Variants in ARHGAP18 observed in about 807,000 individuals in gnomAD.
The protein encoded by ARHGAP18 is rho GTPase-activating protein 18.
ARHGAP18 carries 67 observed loss-of-function variants against 86.2 expected under a neutral mutation model. The observed-to-expected ratio is 0.78, with a 90% CI of 0.64 to 0.95. The LOEUF is 0.95. Ranked by LOEUF, ARHGAP18 falls within the 40% of genes least tolerant of loss-of-function variation. ARHGAP18 has a pLI of 0.00. For synonymous variants in ARHGAP18, 283 were observed against 280.4 expected, an observed-to-expected ratio of 1.01 and a Z score of -0.09; for missense variants, 691 against 780.4, an observed-to-expected ratio of 0.89 and a Z score of 1.37.
At chr6:129,637,611 T>C (rs1773360841) in intron 3 of ARHGAP18, among the ~76,000 whole-genome samples, 1 of 152,238 alleles carries the variant, frequency 6.6e-6, no homozygotes, top group Admixed American at 6.5e-5. Context: ...GACTGTAACC[T>C]ACTTGTGTCA....
chr6:129,699,548 G>A (rs1299562796), intron 1 of ARHGAP18, among the ~76,000 whole-genome samples: 2 of 152,128 alleles, frequency 1.3e-5, no homozygotes, highest in Non-Finnish European at 2.9e-5. Flanking sequence ...CTACAGCAAT[G>A]GTGCTACAAA....
intron 5 of ARHGAP18, among the ~76,000 whole-genome samples, chr6:129,621,760 A>C (rs1375200633): frequency 6.6e-6 from 1 of 152,184 alleles, no homozygotes; most frequent in Non-Finnish European, 1.5e-5. Flanking sequence ...TAAGAAAAAA[A>C]TGATAATAAT....
intron 4 of ARHGAP18, among the ~76,000 whole-genome samples, chr6:129,630,582 T>C (rs754237300): frequency 6.6e-6 from 1 of 152,134 alleles, no homozygotes; most frequent in South Asian, 2.1e-4. Flanking sequence ...ATATTAAGAG[T>C]CTGCAGTTCA....
intron 1 of ARHGAP18, among the ~76,000 whole-genome samples, chr6:129,702,984 C>T (rs939319794): frequency 3.5e-5 from 5 of 144,362 alleles, no homozygotes; most frequent in Admixed American, 1.4e-4. Context: ...GGTGACAGAG[C>T]GAGACTCCAT....
intron 3 of ARHGAP18, among the ~76,000 whole-genome samples, chr6:129,634,567 G>A (rs773401581): frequency 3.9e-5 from 6 of 152,034 alleles, no homozygotes; most frequent in Non-Finnish European, 8.8e-5. Context: ...CAGTCACAAA[G>A]AGCCACATAT....
chr6:129,646,088 C>T (rs6929560), intron 1 of ARHGAP18, among the ~76,000 whole-genome samples: 4,779 of 152,154 alleles, frequency 0.031, 250 homozygotes, highest in African/African-American at 0.11. Context: ...ATTGATTATA[C>T]TGAGGTCAGC....
intron 12 of ARHGAP18, among the ~76,000 whole-genome samples, chr6:129,584,955 C>T (rs531717599): frequency 6.6e-6 from 1 of 151,494 alleles, no homozygotes; most frequent in South Asian, 2.1e-4. Flanking sequence ...ACTAGGTTTA[C>T]TTACCCAGTA....
chr6:129,618,738 C>A lies in ARHGAP18; in HGVS notation c.901G>T (p.Val301Leu). The A allele has an allele frequency of 6.2e-7, 1 of 1,613,568 alleles. No homozygotes were observed. The highest frequency in any genetic ancestry group is 8.5e-7 in the Non-Finnish European group (1 of 1,179,800). The change falls in exon 6 of 15, where the codon GTA becomes TTA. Residue 301 changes from valine (V) to leucine (L), a missense_variant. Val to Leu is a conservative substitution (Grantham distance 32). Coordinates refer to ENST00000368149, the MANE Select transcript of ARHGAP18 (RefSeq NM_033515.3). ...ALIELTALYD[V>L]LGIELKQQKA... ...TGTTGTTTCAGCTCAATACCCAATA[C>A]ATCATAGAGGGCAGTCAGCTCAATT...
intron 12 of ARHGAP18, among the ~76,000 whole-genome samples, chr6:129,598,217 A>T (rs1463773217): frequency 6.6e-6 from 1 of 152,226 alleles, no homozygotes; most frequent in Non-Finnish European, 1.5e-5. Context: ...TTCTAAAAAA[A>T]TAAGCATATT....
At chr6:129,631,311 C>T (rs558708356) in intron 4 of ARHGAP18, among the ~76,000 whole-genome samples, 3 of 152,112 alleles carry the variant, frequency 2.0e-5, no homozygotes, top group East Asian at 1.9e-4. Flanking sequence ...CCCACACCAA[C>T]GGACTATGCC....
intron 6 of ARHGAP18, among the ~76,000 whole-genome samples, chr6:129,616,591 G>A (rs991758971): frequency 5.9e-5 from 9 of 152,200 alleles, no homozygotes; most frequent in African/African-American, 2.2e-4. Context: ...ACAGAGGGCT[G>A]TGAGAGCATG....
intron 1 of ARHGAP18, among the ~76,000 whole-genome samples, chr6:129,695,127 GA>G (rs1012153821): frequency 1.2e-4 from 18 of 148,612 alleles, no homozygotes; most frequent in Middle Eastern, 3.5e-3. Context: ...TAACTATTCT[GA>G]AAAAAAAAAT....
chr6:129,703,651 C>G (rs1184693772), intron 1 of ARHGAP18, among the ~76,000 whole-genome samples: 1 of 152,256 alleles, frequency 6.6e-6, no homozygotes, highest in Non-Finnish European at 1.5e-5. Flanking sequence ...GCAAATATCA[C>G]ATGTCTGTGA....
intron 3 of ARHGAP18, among the ~76,000 whole-genome samples, chr6:129,634,433 A>G (rs1405886581): frequency 6.6e-6 from 1 of 152,220 alleles, no homozygotes; most frequent in Non-Finnish European, 1.5e-5. Context: ...TAATTGACAA[A>G]TGGATAAGCA....
chr6:129,609,872 A>G (rs886759918), intron 8 of ARHGAP18, among the ~76,000 whole-genome samples: 6 of 152,106 alleles, frequency 3.9e-5, no homozygotes, highest in African/African-American at 1.5e-4. Context: ...TCCTAAATCA[A>G]GGCAACTTAT....
chr6:129,656,334 A>T (rs1413011762), intron 1 of ARHGAP18, among the ~76,000 whole-genome samples: 2 of 152,234 alleles, frequency 1.3e-5, no homozygotes, highest in Admixed American at 1.3e-4. Context: ...GATGCCAAAA[A>T]GTGCTTAAAA....
chr6:129,686,853 C>T (rs1258963929), intron 1 of ARHGAP18, among the ~76,000 whole-genome samples: 2 of 147,332 alleles, frequency 1.4e-5, no homozygotes, highest in East Asian at 2.0e-4. Flanking sequence ...TGCAATGGCG[C>T]GATCTCGGAT....
intron 14 of ARHGAP18, among the ~76,000 whole-genome samples, chr6:129,579,784 G>C (rs949715930): frequency 6.6e-6 from 1 of 152,158 alleles, no homozygotes; most frequent in Non-Finnish European, 1.5e-5. Context: ...TTACAAAGAA[G>C]AGAGTTTTGA....
intron 1 of ARHGAP18, among the ~76,000 whole-genome samples, chr6:129,659,452 ATTTTT>A (rs869238078): frequency 6.6e-4 from 87 of 132,524 alleles, no homozygotes; most frequent in African/African-American, 1.9e-3. Context: ...TAGGCCTAGA[ATTTTT>A]TTTATTTTAT....
Sources: gnomAD v4.1 joint callset for allele counts (sites outside exome capture counted in the v4.1 genomes callset) on GRCh38, gnomAD v4.1.1 for gene constraint, MANE v1.5 for transcripts, NCBI Gene and HGNC (gene_info 2026-07-23, HGNC 2026-07-21) for gene names.